Variants in HDAC9 observed in about 807,000 individuals in gnomAD.
HDAC9 encodes histone deacetylase 9.
In HDAC9, 41 loss-of-function variants were observed where a neutral mutation model predicts 139.4. The ratio of observed to expected loss-of-function variants is 0.29; its 90% CI spans 0.23 to 0.38. The LOEUF is 0.38. HDAC9 is among the 10% of genes least tolerant of loss of function. The probability of loss-of-function intolerance (pLI) is 1.00; values close to 1 mark genes in which losing one functional copy is unlikely to be tolerated. For missense variants in HDAC9, 1,147 were observed against 1,297.0 expected (o/e 0.88, Z 1.78); for synonymous variants, 517 against 476.2 (o/e 1.09, Z -1.12).
intron 2 of HDAC9, among the ~76,000 whole-genome samples, chr7:18,168,318 A>G (rs1029090845): frequency 1.3e-5 from 2 of 152,208 alleles, no homozygotes; most frequent in Non-Finnish European, 2.9e-5. Flanking sequence ...TTTAAGTATT[A>G]TGATGAAAAT....
At chr7:18,841,372 C>G (rs1796570948) in intron 21 of HDAC9, among the ~76,000 whole-genome samples, 1 of 151,626 alleles carries the variant, frequency 6.6e-6, no homozygotes, top group South Asian at 2.1e-4. Context: ...TAGAATAATA[C>G]CATTGTAAAA....
chr7:18,893,410 A>T (rs1009639045), intron 22 of HDAC9, among the ~76,000 whole-genome samples: 2 of 152,162 alleles, frequency 1.3e-5, no homozygotes, highest in Admixed American at 1.3e-4. Flanking sequence ...GACTAATTCA[A>T]TTCACAGGTA....
chr7:18,705,024 G>A (rs749039659), intron 12 of HDAC9, among the ~76,000 whole-genome samples: 1 of 152,092 alleles, frequency 6.6e-6, no homozygotes, highest in South Asian at 2.1e-4. Context: ...AAAATAAAGA[G>A]ACAAGTAAAA....
rs1195288393 is a variant in HDAC9 at position 18,629,267 on chromosome 7, T to G, written c.665-83T>G. The G allele has an allele frequency of 8.7e-5, 20 of 231,204 alleles. No individual in the cohort carries two copies. In the Admixed American group the frequency reaches 1.3e-3, roughly 15 times the overall value. The allele number at this position is 231,204 out of a possible 1,614,324, so 14.3% of individuals were successfully genotyped here. A position where few individuals can be genotyped will look rare whatever the true frequency, so the allele number is the denominator to read the frequency against. ...GAATGGACCAAGAAAAGGGTGAGAC[T>G]TTTTTTTTTTTTAACACATGAGCAA... On this transcript the variant is annotated intron_variant, in intron 6 of 25. Transcript: ENST00000686413.
At chr7:18,675,608 G>A (rs1781452969) in intron 12 of HDAC9, among the ~76,000 whole-genome samples, 1 of 151,900 alleles carries the variant, frequency 6.6e-6, no homozygotes, top group African/African-American at 2.4e-5. Flanking sequence ...CTTTAATAAT[G>A]AATAATTTTC....
At chr7:18,596,046 T>C (rs1832394059) in intron 6 of HDAC9, among the ~76,000 whole-genome samples, 2 of 152,106 alleles carry the variant, frequency 1.3e-5, no homozygotes, top group Non-Finnish European at 2.9e-5. Flanking sequence ...TGCCTTATTA[T>C]GTGCTATATA....
intron 1 of HDAC9, among the ~76,000 whole-genome samples, chr7:18,454,921 T>A (rs1157635430): frequency 6.6e-6 from 1 of 152,094 alleles, no homozygotes; most frequent in Non-Finnish European, 1.5e-5. Flanking sequence ...AAATAAAAGC[T>A]TTGTCTTACC....
At chr7:18,769,858 G>A (rs543680738) in intron 16 of HDAC9, among the ~76,000 whole-genome samples, 14 of 152,182 alleles carry the variant, frequency 9.2e-5, no homozygotes, top group African/African-American at 3.1e-4. Flanking sequence ...GGAAATTACC[G>A]AAATGACTTT....
At chr7:18,179,724 C>G (rs756770767) in intron 2 of HDAC9, among the ~76,000 whole-genome samples, 1 of 152,164 alleles carries the variant, frequency 6.6e-6, no homozygotes, top group African/African-American at 2.4e-5. Context: ...AGGACTTAAA[C>G]GCAGCTCTGG....
chr7:18,254,068 T>C (rs911243235), intron 2 of HDAC9, among the ~76,000 whole-genome samples: 10 of 152,228 alleles, frequency 6.6e-5, no homozygotes, highest in African/African-American at 2.4e-4. Flanking sequence ...TTCTGGACTT[T>C]CAATATACAT....
intron 2 of HDAC9, among the ~76,000 whole-genome samples, chr7:18,275,504 A>G (rs554163056): frequency 1.4e-4 from 22 of 152,274 alleles, no homozygotes; most frequent in Admixed American, 3.9e-4. Context: ...AGAAAAAGCC[A>G]AAGTCTTAAA....
At chr7:18,684,098 A>T (rs1012124296) in intron 12 of HDAC9, among the ~76,000 whole-genome samples, 1 of 150,188 alleles carries the variant, frequency 6.7e-6, no homozygotes, top group African/African-American at 2.5e-5. Flanking sequence ...CTCTACAAAA[A>T]AATACAAGAA....
At chr7:18,199,802 C>T (rs142868161) in intron 2 of HDAC9, among the ~76,000 whole-genome samples, 1 of 144,906 alleles carries the variant, frequency 6.9e-6, no homozygotes, top group Non-Finnish European at 1.5e-5. Context: ...TGTTGCACAT[C>T]TGTAGTCCTA....
At chr7:18,905,901 T>C (rs1802198965) in intron 22 of HDAC9, among the ~76,000 whole-genome samples, 1 of 151,780 alleles carries the variant, frequency 6.6e-6, no homozygotes, top group Non-Finnish European at 1.5e-5. Context: ...TTCTTTTCCT[T>C]CTTTTCTTTC....
chr7:18,784,500 C>CA (rs1158893263), intron 16 of HDAC9, among the ~76,000 whole-genome samples: 12 of 147,602 alleles, frequency 8.1e-5, no homozygotes, highest in Admixed American at 7.3e-4. Context: ...GAGGACAAAA[C>CA]AAAAAACAAA....
chr7:18,333,919 A>G (rs1460481774), intron 1 of HDAC9, among the ~76,000 whole-genome samples: 1 of 151,296 alleles, frequency 6.6e-6, no homozygotes, highest in African/African-American at 2.4e-5. Flanking sequence ...AGAAGTTTAA[A>G]TGAAATATAA....
intron 1 of HDAC9, among the ~76,000 whole-genome samples, chr7:18,371,020 C>G (rs73307427): frequency 6.6e-6 from 1 of 152,070 alleles, no homozygotes; most frequent in Non-Finnish European, 1.5e-5. Flanking sequence ...GTCCAGAACT[C>G]GCGCATCATG....
rs537249609 is a variant in HDAC9 at position 18,685,823 on chromosome 7, G to C, written c.1731+19347G>C. ...GTCATAAAATATATGCAGAAATAGC[G>C]TGTGCCAGTATTTAAAGTTTAAACA... On this transcript the variant is annotated intron_variant, in intron 12 of 25. Transcript: ENST00000686413. Among the ~76,000 whole-genome samples, 36 of 152,000 alleles carry C rather than the reference G, an allele frequency of 2.4e-4. No homozygotes were observed. In the South Asian group the frequency reaches 3.7e-3, roughly 16 times the overall value.
chr7:18,665,802 G>A (rs140799536), intron 11 of HDAC9, among the ~76,000 whole-genome samples: 7 of 152,166 alleles, frequency 4.6e-5, no homozygotes, highest in Admixed American at 1.3e-4. Flanking sequence ...GTTGAAAAAT[G>A]ATATTGACAA....
Sources: allele counts gnomAD v4.1 joint callset (sites outside exome capture counted in the v4.1 genomes callset), GRCh38; gene constraint gnomAD v4.1.1; transcripts MANE v1.5; gene names NCBI Gene and HGNC (gene_info 2026-07-23, HGNC 2026-07-21).